Variants in DNAH7 observed in about 807,000 individuals in gnomAD.
The protein encoded by DNAH7 is dynein axonemal heavy chain 7.
DNAH7 carries 397 observed loss-of-function variants against 444.6 expected under a neutral mutation model. The observed-to-expected ratio is 0.89, with a 90% confidence interval of 0.82 to 0.97. The LOEUF (loss-of-function observed/expected upper bound fraction) is 0.97, where lower values mean the gene tolerates loss of function less well. Ranked by LOEUF, DNAH7 falls within the 50% of genes least tolerant of loss-of-function variation. DNAH7 has a pLI of 0.00. For synonymous variants in DNAH7, 1,636 were observed against 1,624.4 expected, an observed-to-expected ratio of 1.01 and a Z score of -0.17; for missense variants, 4,902 against 4,800.8, an observed-to-expected ratio of 1.02 and a Z score of -0.62.
intron 4 of DNAH7, 33 bp from the exon 5 acceptor site, chr2:196,047,532 T>C (rs778720854): frequency 2.0e-6 from 3 of 1,507,814 alleles, no homozygotes; most frequent in African/African-American, 1.4e-5. Context: ...AGCACAATTA[T>C]TCATCTAAAA....
rs754747405 is a variant in DNAH7 at position 195,936,625 on chromosome 2, T to C, written c.3246A>G (p.Ile1082Met). ...TAGTGGGATCTTTAGTCTCAGATAG[T>C]ATCTCAAGAAGTTCATCATTGGACA... is the stretch of plus-strand genomic sequence containing the variant. ...FFLSNDELLE[I>M]LSETKDPTRV... The change falls in exon 20 of 65, where the codon ATA (isoleucine) becomes ATG (methionine). Residue 1082 changes from isoleucine to methionine, a missense_variant. Ile to Met is a conservative substitution (Grantham distance 10, BLOSUM62 1). Transcript: ENST00000312428. 2.5e-6 allele frequency: 4 copies of C among 1,600,072 alleles called. No homozygotes were observed. The highest frequency in any genetic ancestry group is 3.4e-6 in the Non-Finnish European group (4 of 1,176,248).
At chr2:196,067,302 G>A (rs977079258) in intron 1 of DNAH7, among the ~76,000 whole-genome samples, 4 of 152,130 alleles carry the variant, frequency 2.6e-5, no homozygotes, top group Admixed American at 2.0e-4. Flanking sequence ...TCTGGCCGAA[G>A]ACTAACTTGG....
intron 15 of DNAH7, among the ~76,000 whole-genome samples, chr2:195,980,061 C>CAAAAAAA (rs59664135): frequency 8.1e-4 from 61 of 75,044 alleles, no homozygotes; most frequent in African/African-American, 2.5e-3. Flanking sequence ...CAAACTAATA[C>CAAAAAAA]AAAAAAAAAA....
chr2:195,959,164 T>C (rs1192219799), intron 18 of DNAH7, among the ~76,000 whole-genome samples: 1 of 152,202 alleles, frequency 6.6e-6, no homozygotes, highest in Non-Finnish European at 1.5e-5. Flanking sequence ...AGTGGTGCTC[T>C]GTGATTTTAG....
chr2:196,054,677 A>G (rs146656257), intron 2 of DNAH7, among the ~76,000 whole-genome samples: 222 of 152,250 alleles, frequency 1.5e-3, no homozygotes, highest in African/African-American at 5.2e-3. Flanking sequence ...CTCATCTTGA[A>G]TTATAGTTCC....
intron 35 of DNAH7, among the ~76,000 whole-genome samples, chr2:195,882,214 G>GT (rs1701428693): frequency 6.6e-6 from 1 of 152,144 alleles, no homozygotes; most frequent in Admixed American, 6.5e-5. Context: ...CAATACTGTG[G>GT]TTTTTTGATG....
At chr2:195,977,637 A>C (rs1692294564) in intron 15 of DNAH7, among the ~76,000 whole-genome samples, 1 of 152,176 alleles carries the variant, frequency 6.6e-6, no homozygotes, top group Non-Finnish European at 1.5e-5. Context: ...ATATTTCGGT[A>C]CAAGAAGGTT....
intron 47 of DNAH7, among the ~76,000 whole-genome samples, chr2:195,843,236 G>C (rs930774333): frequency 9.2e-5 from 14 of 152,094 alleles, no homozygotes; most frequent in Non-Finnish European, 1.9e-4. Context: ...TCAACAACGA[G>C]CTGCCCTTCT....
At chr2:195,818,477 G>C (rs191253806) in intron 49 of DNAH7, among the ~76,000 whole-genome samples, 158 of 152,116 alleles carry the variant, frequency 1.0e-3, no homozygotes, top group African/African-American at 3.7e-3. Context: ...CACATCTCCT[G>C]TTTCTTTCCC....
chr2:195,858,408 C>T, intron 43 of DNAH7, 66 bp downstream of exon 43: 1 of 1,324,510 alleles, frequency 7.5e-7, no homozygotes, highest in Non-Finnish European at 1.0e-6. Context: ...GACTAGAACA[C>T]AATGCTAATT....
At chr2:195,762,423 C>T (rs1330611816) in intron 61 of DNAH7, among the ~76,000 whole-genome samples, 1 of 152,052 alleles carries the variant, frequency 6.6e-6, no homozygotes, top group Non-Finnish European at 1.5e-5. Context: ...TCAATCAAAA[C>T]ACATACAGTG....
At chr2:195,882,899 A>G (rs1247953203) in intron 35 of DNAH7, among the ~76,000 whole-genome samples, 1 of 152,146 alleles carries the variant, frequency 6.6e-6, no homozygotes, top group Non-Finnish European at 1.5e-5. Context: ...AGAACGGCAC[A>G]TGACTGTCAT....
intron 63 of DNAH7, among the ~76,000 whole-genome samples, chr2:195,745,806 ATGT>A (rs907208063): frequency 2.6e-5 from 4 of 152,226 alleles, no homozygotes; most frequent in African/African-American, 9.7e-5. Flanking sequence ...ATGCTGAGAG[ATGT>A]TGTCACCACC....
Position 195,740,650 on chromosome 2 carries a change from T to TAC in DNAH7, c.11868+114_11868+115dup, listed in dbSNP as rs566613840. On this transcript the variant is annotated intron_variant, in intron 64 of 64. Coordinates refer to ENST00000312428, the MANE Select transcript of DNAH7 (RefSeq NM_018897.3). ...ATATATATATATATATATATACATATACACACACACATATGTATACACATA... is the reference window on the plus strand; with the variant it reads ...ATATATATATATATATATATACATATACACACACACACATATGTATACACATA... The TAC allele has an allele frequency of 3.3e-3, 239 of 72,472 alleles. 4 individuals carry two copies. The highest frequency in any genetic ancestry group is 0.015 in the African/African-American group (226 of 15,114). 4.5% of individuals were successfully genotyped at this position (72,472 alleles called of 1,614,324 possible). A position where few individuals can be genotyped will look rare whatever the true frequency, so the allele number is the denominator to read the frequency against.
chr2:195,962,837 A>G (rs76634050), intron 17 of DNAH7, among the ~76,000 whole-genome samples: 5,693 of 152,174 alleles, frequency 0.037, 160 homozygotes, highest in Middle Eastern at 0.062. Flanking sequence ...TTTACTTTTT[A>G]GCTCACACAA....
At chr2:195,935,742 G>A (rs866716373) in intron 20 of DNAH7, among the ~76,000 whole-genome samples, 4 of 152,140 alleles carry the variant, frequency 2.6e-5, no homozygotes, top group Non-Finnish European at 2.9e-5. Flanking sequence ...AAATATGGTG[G>A]TCAGGGAGGG....
chr2:196,047,164 T>A (rs1013981795), intron 5 of DNAH7, among the ~76,000 whole-genome samples, 188 bp downstream of exon 5: 6 of 152,218 alleles, frequency 3.9e-5, no homozygotes, highest in Non-Finnish European at 8.8e-5. Flanking sequence ...CAACTCATGA[T>A]ATTTAGAAGT....
chr2:195,805,028 C>T (rs1016059975), intron 54 of DNAH7, among the ~76,000 whole-genome samples: 1 of 152,058 alleles, frequency 6.6e-6, no homozygotes, highest in East Asian at 1.9e-4. Context: ...ACCAAAAAAA[C>T]CCCTCAGCTT....
intron 1 of DNAH7, chr2:196,063,793 C>T (rs1484331376): frequency 6.6e-6 from 1 of 152,218 alleles, no homozygotes; most frequent in African/African-American, 2.4e-5. Flanking sequence ...CAATTTCAAC[C>T]AAAGGCACTT....
Sources: gnomAD v4.1 joint callset for allele counts (sites outside exome capture counted in the v4.1 genomes callset) on GRCh38, gnomAD v4.1.1 for gene constraint, MANE v1.5 for transcripts, NCBI Gene and HGNC (gene_info 2026-07-23, HGNC 2026-07-21) for gene names.